Variants in ZNF469 observed in about 807,000 individuals in gnomAD.
ZNF469 encodes the protein zinc finger protein 469.
A neutral mutation model predicts 1.0 loss-of-function variants in ZNF469; 1 was observed. That is an observed-to-expected ratio of 1.00 (90% CI 0.35 to 4.73). The LOEUF (loss-of-function observed/expected upper bound fraction) is 4.73. Among genes scored for constraint, ZNF469 ranks in the 30% most tolerant of loss-of-function variants. The pLI is 0.16. For synonymous variants in ZNF469, 2,703 were observed against 2,363.4 expected, an observed-to-expected ratio of 1.14 and a Z score of -4.17; for missense variants, 6,100 against 5,356.3, an observed-to-expected ratio of 1.14 and a Z score of -4.33.
the ZNF469 span, among the ~76,000 whole-genome samples, chr16:88,286,553 C>T: frequency 6.6e-6 from 1 of 152,234 alleles, no homozygotes; most frequent in Non-Finnish European, 1.5e-5. Context: ...GGACATGGCC[C>T]CTCACCTGGC....
the ZNF469 span, among the ~76,000 whole-genome samples, chr16:88,156,081 A>T: frequency 6.6e-6 from 1 of 152,138 alleles, no homozygotes; most frequent in Non-Finnish European, 1.5e-5. Context: ...TTTTGCCCAT[A>T]TATTAATCAG....
the ZNF469 span, among the ~76,000 whole-genome samples, chr16:88,345,191 C>A: frequency 6.6e-6 from 1 of 152,208 alleles, no homozygotes; most frequent in Admixed American, 6.5e-5. Flanking sequence ...AGGCCAGATG[C>A]TCCATTTCCA....
rs1363001704 is a variant in ZNF469 at position 88,435,617 on chromosome 16, C to T, written c.8147C>T (p.Ala2716Val). Residue 2716 changes from alanine (A) to valine (V), a missense_variant, in exon 3 of 3, where the codon GCA (alanine) becomes GTA (valine). Physicochemically the swap from Ala to Val is moderately conservative, Grantham distance 64. Transcript: ENST00000565624. ...GAGACTGACCAGGAGGCTCTGTGTG[C>T]AGGGGAGACTGGGGCCCAGAAGCCA... ...AAETDQEALC[A>V]GETGAQKPPG... The T allele has an allele frequency of 6.5e-7, 1 of 1,550,322 alleles. No individual in the cohort carries two copies. The highest frequency in any genetic ancestry group is 8.7e-7 in the Non-Finnish European group (1 of 1,146,992).
the ZNF469 span, among the ~76,000 whole-genome samples, chr16:88,334,321 C>A: frequency 6.6e-6 from 1 of 152,166 alleles, no homozygotes; most frequent in Non-Finnish European, 1.5e-5. Context: ...ACAACAACAA[C>A]AATCTTACCT....
intron 1 of ZNF469, among the ~76,000 whole-genome samples, chr16:88,392,865 A>G (rs757896085): frequency 7.3e-5 from 11 of 151,490 alleles, no homozygotes; most frequent in East Asian, 1.9e-4. Context: ...TCCCTCCCCA[A>G]CCTCCCTTGC....
the ZNF469 span, among the ~76,000 whole-genome samples, chr16:88,246,199 C>T: frequency 1.3e-5 from 2 of 152,242 alleles, no homozygotes; most frequent in African/African-American, 4.8e-5. Flanking sequence ...CCAACTCTAC[C>T]ACCAGAAAAG....
In ZNF469 at chr16:88,424,078, C is replaced by T. The variant is rs1175987334; in HGVS notation, c.-191-729C>T. 3.9e-5 allele frequency among the ~76,000 whole-genome samples: 6 copies of T among 152,236 alleles called. No homozygotes were observed. Among genetic ancestry groups the T allele is most frequent in the African/African-American group, 1.2e-4 (5 of 41,456 alleles). On this transcript the variant is annotated intron_variant, in intron 1 of 2. Coordinates refer to ENST00000565624, the MANE Select transcript of ZNF469 (RefSeq NM_001367624.2). The surrounding 1 kb of genome is among the most constrained non-coding windows in gnomAD (Gnocchi z 4.3). Reference sequence around the variant, plus strand: ...CCCTTTGACGCAGCTAGGCCCACAGCGTTTGGAGCACAGGCTGTCGCCATG... The same window carrying T: ...CCCTTTGACGCAGCTAGGCCCACAGTGTTTGGAGCACAGGCTGTCGCCATG...
At chr16:88,403,505 C>T (rs1180510863) in intron 1 of ZNF469, among the ~76,000 whole-genome samples, 1 of 148,472 alleles carries the variant, frequency 6.7e-6, no homozygotes, top group African/African-American at 2.5e-5. Flanking sequence ...GGGCAGAGGG[C>T]TCCAGGTCTC....
intron 1 of ZNF469, among the ~76,000 whole-genome samples, chr16:88,396,605 CA>C (rs1403004440): frequency 2.9e-4 from 44 of 149,516 alleles, no homozygotes; most frequent in African/African-American, 8.4e-4. Flanking sequence ...GGCGGAGACC[CA>C]TCTGAAGGGA....
rs549934027 is a variant in ZNF469, at chr16:88,434,816, G to A, written c.7346G>A (p.Arg2449His). Residue 2449 changes from arginine (R) to histidine (H), a missense_variant, in exon 3 of 3, where the codon CGT (arginine) becomes CAT (histidine). Transcript: ENST00000565624. The stretch of plus-strand genomic sequence containing the variant: ...CCCCAAGACCTCAAACAGAGGTCCC[G>A]TGGCTATAAAAAGAAGCCTGCATCT... ...LGPQDLKQRS[R>H]GYKKKPASTE... 2.3e-4 allele frequency: 362 copies of A among 1,550,324 alleles called. 6 individuals carry two copies. The South Asian group carries it at 3.0e-3, about 13-fold the overall frequency.
the ZNF469 span, among the ~76,000 whole-genome samples, chr16:88,246,362 A>G: frequency 0.63 from 96,291 of 152,176 alleles, 32,197 homozygotes; most frequent in African/African-American, 0.86. Context: ...CAGGTGTGAT[A>G]AGCGTCATAG....
the ZNF469 span, among the ~76,000 whole-genome samples, chr16:88,362,175 C>T: frequency 1.3e-5 from 2 of 152,142 alleles, no homozygotes; most frequent in Admixed American, 1.3e-4. Context: ...TTGTCAATTT[C>T]TATGGAAAAA....
chr16:88,154,521 A>G, the ZNF469 span, among the ~76,000 whole-genome samples: 1 of 152,204 alleles, frequency 6.6e-6, no homozygotes, highest in Non-Finnish European at 1.5e-5. Flanking sequence ...ACCATCGTAG[A>G]AAGTTCTGCC....
the ZNF469 span, among the ~76,000 whole-genome samples, chr16:88,175,781 G>A: frequency 6.6e-6 from 1 of 152,308 alleles, no homozygotes; most frequent in East Asian, 1.9e-4. Context: ...AGAAACTAGA[G>A]AAAGAAGAGC....
chr16:88,341,384 G>T, the ZNF469 span, among the ~76,000 whole-genome samples: 33,849 of 152,134 alleles, frequency 0.22, 4,808 homozygotes, highest in African/African-American at 0.41. Flanking sequence ...GGACTCAGTT[G>T]CCCCTGCTGG....
At chr16:88,224,757 G>A in the ZNF469 span, among the ~76,000 whole-genome samples, 3 of 151,032 alleles carry the variant, frequency 2.0e-5, no homozygotes, top group East Asian at 1.9e-4. Context: ...AAGTGTGCAC[G>A]TGTGTGTCTG....
chr16:88,245,891 G>C, the ZNF469 span, among the ~76,000 whole-genome samples: 2 of 151,862 alleles, frequency 1.3e-5, no homozygotes, highest in African/African-American at 4.8e-5. Context: ...CAGCCGAACA[G>C]ACCACAGGGA....
chr16:88,347,021 G>T, the ZNF469 span, among the ~76,000 whole-genome samples: 1 of 152,230 alleles, frequency 6.6e-6, no homozygotes, highest in Non-Finnish European at 1.5e-5. Context: ...GTTCTGGGGG[G>T]AAGTAAGATA....
chr16:88,262,053 G>A, the ZNF469 span, among the ~76,000 whole-genome samples: 441 of 152,298 alleles, frequency 2.9e-3, 2 homozygotes, highest in Non-Finnish European at 5.4e-3. The surrounding 1 kb of genome is among the most constrained non-coding windows in gnomAD (Gnocchi z 4.3). Context: ...AGCTTTCCGA[G>A]GCCGATCTAC....
Sources: allele counts gnomAD v4.1 joint callset (sites outside exome capture counted in the v4.1 genomes callset), GRCh38; gene constraint gnomAD v4.1.1; non-coding constraint Gnocchi (gnomAD v3.1); transcripts MANE v1.5; gene names NCBI Gene and HGNC (gene_info 2026-07-23, HGNC 2026-07-21).